DCUN1D2: variants seen among roughly 807,000 people sequenced by gnomAD.
DCUN1D2 encodes defective in cullin neddylation 1 domain containing 2.
In DCUN1D2, 29 loss-of-function variants were observed where a neutral mutation model predicts 30.9. The ratio of observed to expected loss-of-function variants is 0.94; its 90% CI spans 0.70 to 1.28. The LOEUF is 1.28. Among genes scored for constraint, DCUN1D2 ranks in the 50% most tolerant of loss-of-function variants. The pLI is 0.00. For missense variants in DCUN1D2, 325 were observed against 316.9 expected, an observed-to-expected ratio of 1.03 and a Z score of -0.19; for synonymous variants, 121 against 115.3, an observed-to-expected ratio of 1.05 and a Z score of -0.32.
At chr13:113,462,304 T>C (rs984614711) in intron 4 of DCUN1D2, among the ~76,000 whole-genome samples, 3 of 150,968 alleles carry the variant, frequency 2.0e-5, no homozygotes, top group African/African-American at 7.3e-5. Context: ...AATAAATACA[T>C]AAAGTGACCT....
chr13:113,483,263 G>A (rs2044741207), intron 2 of DCUN1D2, among the ~76,000 whole-genome samples: 1 of 152,142 alleles, frequency 6.6e-6, no homozygotes, highest in Non-Finnish European at 1.5e-5. Context: ...TCCGATCCAA[G>A]CACTGATGTC....
At chr13:113,480,479 A>G in intron 3 of DCUN1D2, 96 bp downstream of exon 3, 1 of 1,318,772 alleles carries the variant, frequency 7.6e-7, no homozygotes, top group East Asian at 2.3e-5. Context: ...CAAAGAAAAT[A>G]AGCAGATATG....
At chr13:113,460,663 C>T (rs928840317) in intron 5 of DCUN1D2, among the ~76,000 whole-genome samples, 11 of 152,242 alleles carry the variant, frequency 7.2e-5, no homozygotes, top group African/African-American at 2.7e-4. Flanking sequence ...GAGCCCAAAC[C>T]AGTCCACAGA....
chr13:113,478,473 C>T (rs1474976027), intron 3 of DCUN1D2, among the ~76,000 whole-genome samples: 7 of 151,992 alleles, frequency 4.6e-5, no homozygotes, highest in Non-Finnish European at 8.8e-5. Context: ...ATGACAACTT[C>T]TTTTCTATTT....
chr13:113,490,459 T>C lies in DCUN1D2; in HGVS notation c.3+208A>G. 1 of 457,072 alleles carries C rather than the reference T, an allele frequency of 2.2e-6. No individual in the cohort carries two copies. The allele number at this position is 457,072 out of a possible 1,614,324, so 28.3% of individuals were successfully genotyped here. On this transcript the variant is annotated intron_variant, in intron 1 of 6. Coordinates refer to ENST00000478244, the MANE Select transcript of DCUN1D2 (RefSeq NM_001014283.2). This position sits in a 1 kb window ranked among gnomAD's most constrained non-coding sequence, Gnocchi z 5.2. ...CCCGGTCGTCCCTCGCGGCTCCGGG[T>C]CAAACCCGCGCTCCCCGCGGTCCCG...
Position 113,456,538 on chromosome 13 carries a change from G to A in DCUN1D2, c.*1491C>T, listed in dbSNP as rs1469238245. 5.0e-6 allele frequency: 2 copies of A among 396,870 alleles called. No homozygotes were observed. Among genetic ancestry groups the A allele is most frequent in the East Asian group, 7.1e-5 (2 of 27,982 alleles). 24.6% of individuals were successfully genotyped at this position (396,870 alleles called of 1,614,324 possible). ...AGCAGCTCCAGCTGGTCCACGTCCT[G>A]CACAGTGCTGCAGGGGGGCAGCAAG... On this transcript the variant is annotated 3_prime_UTR_variant, in exon 7 of 7. Transcript: ENST00000478244.
intron 3 of DCUN1D2, 93 bp from the exon 4 acceptor site, chr13:113,474,347 A>G: frequency 1.3e-6 from 2 of 1,508,222 alleles, no homozygotes; most frequent in Non-Finnish European, 1.8e-6. Context: ...CCAGGCACGC[A>G]GCTCCAGCTG....
rs2044838567 is a variant in DCUN1D2, at chr13:113,488,013, C to T, written c.3+2654G>A. 6.6e-6 allele frequency among the ~76,000 whole-genome samples: 1 copy of T among 152,202 alleles called. No homozygotes were observed. The highest frequency in any genetic ancestry group is 2.4e-5 in the African/African-American group (1 of 41,452). The stretch of plus-strand genomic sequence containing the variant: ...TCTGGAAGATATGATGGTGTCTGAT[C>T]TTGAGCTCCTGCCGATAACCCCTTG... On this transcript the variant is annotated intron_variant, in intron 1 of 6. Coordinates refer to ENST00000478244, the MANE Select transcript of DCUN1D2 (RefSeq NM_001014283.2). This position sits in a 1 kb window ranked among gnomAD's most constrained non-coding sequence, Gnocchi z 4.3.
chr13:113,482,725 A>G (rs980056418), intron 2 of DCUN1D2, among the ~76,000 whole-genome samples: 1 of 152,102 alleles, frequency 6.6e-6, no homozygotes, highest in Non-Finnish European at 1.5e-5. Flanking sequence ...CGGGTGGATC[A>G]TGAGGTCAAG....
intron 4 of DCUN1D2, among the ~76,000 whole-genome samples, chr13:113,463,943 A>G (rs375735497): frequency 3.9e-5 from 6 of 152,336 alleles, no homozygotes; most frequent in Admixed American, 6.5e-5. Context: ...TTCAATTTAT[A>G]CTTAATTCCT....
At chr13:113,478,106 G>A (rs1020593825) in intron 3 of DCUN1D2, among the ~76,000 whole-genome samples, 7 of 152,152 alleles carry the variant, frequency 4.6e-5, no homozygotes, top group African/African-American at 1.7e-4. Context: ...TCTGGAAGAG[G>A]ATGTTTAAAA....
intron 4 of DCUN1D2, among the ~76,000 whole-genome samples, chr13:113,470,248 C>A (rs745722466): frequency 9.2e-5 from 14 of 152,200 alleles, no homozygotes; most frequent in Non-Finnish European, 1.8e-4. Context: ...ATCCCCGGAG[C>A]CATGGGCTGT....
Position 113,488,166 on chromosome 13 carries a change from A to G in DCUN1D2, c.3+2501T>C, listed in dbSNP as rs2044841400. Among the ~76,000 whole-genome samples the G allele has an allele frequency of 6.6e-6, 1 of 152,222 alleles. No homozygotes were observed. The highest frequency in any genetic ancestry group is 1.5e-5 in the Non-Finnish European group (1 of 68,030). On this transcript the variant is annotated intron_variant, in intron 1 of 6. Transcript: ENST00000478244. This position sits in a 1 kb window ranked among gnomAD's most constrained non-coding sequence, Gnocchi z 4.3. ...TGGCTTTGAATCACTACTGTTAGCT[A>G]GAGTGGACAGAAGTCGGTATCCAGA...
intron 4 of DCUN1D2, among the ~76,000 whole-genome samples, chr13:113,469,792 T>TCGCGC (rs1334995469): frequency 1.3e-5 from 2 of 152,116 alleles, no homozygotes; most frequent in Non-Finnish European, 2.9e-5. Context: ...TGAGCTATGA[T>TCGCGC]CGCGCCACTC....
At chr13:113,487,243 G>A (rs1566508704) in intron 1 of DCUN1D2, among the ~76,000 whole-genome samples, 1 of 152,158 alleles carries the variant, frequency 6.6e-6, no homozygotes, top group Non-Finnish European at 1.5e-5. Flanking sequence ...AAAGACAGAA[G>A]TGCAGCCCCC....
At chr13:113,464,315 T>C (rs904041271) in intron 4 of DCUN1D2, among the ~76,000 whole-genome samples, 16 of 152,360 alleles carry the variant, frequency 1.1e-4, no homozygotes, top group Non-Finnish European at 7.3e-5. Context: ...TATAAATCTG[T>C]TGCAGCTTTC....
At chr13:113,483,771 T>C (rs1033951146) in intron 2 of DCUN1D2, 69 bp downstream of exon 2, 1 of 1,495,030 alleles carries the variant, frequency 6.7e-7, no homozygotes, top group South Asian at 1.2e-5. Flanking sequence ...ACCAGAACCC[T>C]GGAAGTGCAG....
intron 4 of DCUN1D2, among the ~76,000 whole-genome samples, chr13:113,473,404 T>A (rs1485187062): frequency 6.6e-6 from 1 of 152,106 alleles, no homozygotes; most frequent in East Asian, 1.9e-4. Flanking sequence ...GTAAAAAAAA[T>A]ATTTATTATT....
chr13:113,467,001 G>A lies in DCUN1D2; in HGVS notation c.521-5865C>T, dbSNP rs536284326. Among the ~76,000 whole-genome samples the A allele has an allele frequency of 5.9e-5, 9 of 151,992 alleles. No homozygotes were observed. In the East Asian group the frequency reaches 9.7e-4, roughly 16 times the overall value. On this transcript the variant is annotated intron_variant, in intron 4 of 6. Coordinates refer to ENST00000478244, the MANE Select transcript of DCUN1D2 (RefSeq NM_001014283.2). The stretch of plus-strand genomic sequence containing the variant: ...TTTTATATTTTTTTAGTAGAGATGG[G>A]GTTTCACCATGTTGGCCAGGGTGGT...
Sources: allele counts gnomAD v4.1 joint callset (sites outside exome capture counted in the v4.1 genomes callset), GRCh38; gene constraint gnomAD v4.1.1; non-coding constraint Gnocchi (gnomAD v3.1); transcripts MANE v1.5; gene names NCBI Gene and HGNC (gene_info 2026-07-23, HGNC 2026-07-21).